The following THEMIS variants were observed in gnomAD, a reference collection of about 807,000 sequenced individuals.
THEMIS encodes the protein protein THEMIS.
THEMIS carries 37 observed loss-of-function variants against 52.6 expected under a neutral mutation model. That is an observed-to-expected ratio of 0.70 (90% CI 0.54 to 0.93). The LOEUF (loss-of-function observed/expected upper bound fraction) is 0.93, where lower values mean the gene tolerates loss of function less well. THEMIS is among the 40% of genes least tolerant of loss of function. THEMIS has a pLI of 0.00. For synonymous variants in THEMIS, 292 were observed against 272.7 expected (o/e 1.07, Z -0.70); for missense variants, 808 against 763.1 (o/e 1.06, Z -0.69).
chr6:127,783,966 G>A (rs1008498241), intron 4 of THEMIS, among the ~76,000 whole-genome samples: 13 of 152,122 alleles, frequency 8.5e-5, no homozygotes, highest in Non-Finnish European at 1.6e-4. Flanking sequence ...GTTCACAATA[G>A]AAAAGACTTG....
intron 1 of THEMIS, among the ~76,000 whole-genome samples, chr6:127,896,449 C>CA (rs1360141462): frequency 6.6e-6 from 1 of 151,068 alleles, no homozygotes; most frequent in Non-Finnish European, 1.5e-5. Context: ...AAGATCTGTA[C>CA]AAAAAATTAT....
chr6:127,912,751 T>C (rs1014070850), intron 1 of THEMIS, among the ~76,000 whole-genome samples: 11 of 152,280 alleles, frequency 7.2e-5, no homozygotes, highest in Middle Eastern at 3.4e-3. Flanking sequence ...CTGAAAAAAG[T>C]TTAAAGGTGT....
intron 1 of THEMIS, among the ~76,000 whole-genome samples, chr6:127,907,680 G>A (rs897528905): frequency 1.3e-5 from 2 of 151,930 alleles, no homozygotes; most frequent in African/African-American, 4.8e-5. Context: ...AGGGAAATAA[G>A]TGAGCTAATT....
At chr6:127,887,435 A>G (rs894084628) in intron 1 of THEMIS, among the ~76,000 whole-genome samples, 1 of 152,162 alleles carries the variant, frequency 6.6e-6, no homozygotes, top group South Asian at 2.1e-4. Context: ...ATTATTCATA[A>G]TACTTGCAAT....
At chr6:127,806,097 A>C (rs971641988) in intron 4 of THEMIS, among the ~76,000 whole-genome samples, 33 of 152,240 alleles carry the variant, frequency 2.2e-4, no homozygotes, top group African/African-American at 7.5e-4. Flanking sequence ...GGCAATTCAA[A>C]TGCTCTCACT....
chr6:127,894,721 T>G (rs1026201946), intron 1 of THEMIS, among the ~76,000 whole-genome samples: 2 of 151,660 alleles, frequency 1.3e-5, no homozygotes, highest in East Asian at 3.9e-4. Flanking sequence ...AAAAATTCCA[T>G]GTTTAGTAGG....
At chr6:127,730,196 G>T (rs1774716811) in intron 4 of THEMIS, among the ~76,000 whole-genome samples, 1 of 151,600 alleles carries the variant, frequency 6.6e-6, no homozygotes, top group African/African-American at 2.4e-5. Context: ...TAGTCTAGGA[G>T]TTCAAGGCTG....
intron 4 of THEMIS, among the ~76,000 whole-genome samples, chr6:127,810,681 A>T (rs1777873673): frequency 1.3e-5 from 2 of 152,216 alleles, no homozygotes; most frequent in African/African-American, 4.8e-5. Flanking sequence ...GTATTATGTT[A>T]TAATAGCGCA....
chr6:127,868,694 T>C (rs934137896), intron 1 of THEMIS, among the ~76,000 whole-genome samples: 3 of 152,124 alleles, frequency 2.0e-5, no homozygotes, highest in Non-Finnish European at 2.9e-5. Flanking sequence ...TTTAAAGGGT[T>C]GAGAGGAATG....
At chr6:127,909,766 G>A (rs1467042144) in intron 1 of THEMIS, 1 of 152,084 alleles carries the variant, frequency 6.6e-6, no homozygotes, top group Admixed American at 6.6e-5. Flanking sequence ...ACACACAAAG[G>A]AGAATGGTGA....
intron 1 of THEMIS, 52 bp downstream of exon 1, chr6:127,900,790 T>C (rs1050845632): frequency 5.9e-6 from 9 of 1,523,604 alleles, no homozygotes; most frequent in South Asian, 2.3e-5. Context: ...TTTTCAAAAA[T>C]GTATACTTTA....
At chr6:127,816,080 C>T (rs1017852024) in intron 3 of THEMIS, among the ~76,000 whole-genome samples, 2 of 152,160 alleles carry the variant, frequency 1.3e-5, no homozygotes, top group African/African-American at 4.8e-5. Flanking sequence ...TGATGCTAGC[C>T]TATCTTATTT....
At chr6:127,731,711 T>C (rs1203149741) in intron 4 of THEMIS, among the ~76,000 whole-genome samples, 2 of 144,256 alleles carry the variant, frequency 1.4e-5, no homozygotes, top group Admixed American at 6.9e-5. Flanking sequence ...TTTTTTTTTT[T>C]TTTTGAGATG....
chr6:127,820,408 T>G (rs967726607), intron 3 of THEMIS, among the ~76,000 whole-genome samples: 1 of 151,980 alleles, frequency 6.6e-6, no homozygotes, highest in South Asian at 2.1e-4. Flanking sequence ...AAATTGAGAA[T>G]AGTCAGTAAT....
chr6:127,718,123 T>G (rs1229571875), intron 5 of THEMIS, among the ~76,000 whole-genome samples: 1 of 151,942 alleles, frequency 6.6e-6, no homozygotes, highest in African/African-American at 2.4e-5. Context: ...TTGCTCTACT[T>G]TTGTATTTTT....
At chr6:127,800,995 G>A (rs996232057) in intron 4 of THEMIS, among the ~76,000 whole-genome samples, 3 of 152,096 alleles carry the variant, frequency 2.0e-5, no homozygotes, top group African/African-American at 7.2e-5. Context: ...GTTGGTTTTG[G>A]GGTTTCTGGA....
chr6:127,866,344 A>G (rs1779974765), intron 1 of THEMIS, among the ~76,000 whole-genome samples: 1 of 152,052 alleles, frequency 6.6e-6, no homozygotes, highest in African/African-American at 2.4e-5. Flanking sequence ...TAAAAATTCT[A>G]AAACAAATAC....
chr6:127,734,905 A>G (rs2114538830), intron 4 of THEMIS, among the ~76,000 whole-genome samples: 1 of 128,886 alleles, frequency 7.8e-6, no homozygotes, highest in South Asian at 2.5e-4. Context: ...AAATATATAT[A>G]TATATATATG....
chr6:127,707,531 G>T (rs1002058586), downstream of THEMIS, among the ~76,000 whole-genome samples: 3 of 152,138 alleles, frequency 2.0e-5, no homozygotes, highest in African/African-American at 7.2e-5. Flanking sequence ...CAACAGAGAT[G>T]ACTGAAGTTT....
Sources: gnomAD v4.1 joint callset for allele counts (sites outside exome capture counted in the v4.1 genomes callset) on GRCh38, gnomAD v4.1.1 for gene constraint, MANE v1.5 for transcripts, NCBI Gene and HGNC (gene_info 2026-07-23, HGNC 2026-07-21) for gene names.